ENDOU: variants seen among roughly 807,000 people sequenced by gnomAD.
ENDOU encodes the protein endonuclease, poly(U) specific.
Under a neutral mutation model 54.2 loss-of-function variants are expected in ENDOU, and 49 were observed. The observed-to-expected ratio is 0.90, with a 90% CI of 0.72 to 1.15. ENDOU has a LOEUF of 1.15. Among genes scored for constraint, ENDOU ranks in the 50% most tolerant of loss-of-function variants. The probability of loss-of-function intolerance (pLI) is 0.00; values close to 1 mark genes in which losing one functional copy is unlikely to be tolerated. For synonymous variants in ENDOU, 172 were observed against 190.5 expected (o/e 0.90, Z 0.80); for missense variants, 458 against 511.4 (o/e 0.90, Z 1.01).
intron 5 of ENDOU, 30 bp from the exon 6 acceptor site, chr12:47,716,529 G>A: frequency 2.5e-6 from 4 of 1,607,504 alleles, no homozygotes; most frequent in Non-Finnish European, 3.4e-6. Context: ...GCCCCACTGA[G>A]AGCCCCAAAC....
chr12:47,710,230 A>G lies in ENDOU; in HGVS notation c.*572T>C, dbSNP rs908564996. 6.6e-6 allele frequency: 1 copy of G among 152,392 alleles called. No individual in the cohort carries two copies. Among genetic ancestry groups the G allele is most frequent in the African/African-American group, 2.4e-5 (1 of 41,440 alleles). The allele number at this position is 152,392 out of a possible 1,614,324, so 9.4% of individuals were successfully genotyped here. On this transcript the variant is annotated 3_prime_UTR_variant, in exon 10 of 10. Coordinates refer to ENST00000422538, the MANE Select transcript of ENDOU (RefSeq NM_001172439.2). ...AGAGGATCTAACTCTGGAAAAAACCAAAGGCCCTTGCTTGATTACTGTGGC... is the reference window on the plus strand; with the variant it reads ...AGAGGATCTAACTCTGGAAAAAACCGAAGGCCCTTGCTTGATTACTGTGGC...
intron 5 of ENDOU, 32 bp downstream of exon 5, chr12:47,716,858 A>AG: frequency 6.2e-7 from 1 of 1,610,846 alleles, no homozygotes; most frequent in Non-Finnish European, 8.5e-7. Flanking sequence ...GGCAAGATTT[A>AG]GGGGGTAGAA....
intron 6 of ENDOU, among the ~76,000 whole-genome samples, chr12:47,714,084 A>ACCTAGTG (rs1309066200): frequency 6.6e-6 from 1 of 152,258 alleles, no homozygotes; most frequent in African/African-American, 2.4e-5. Context: ...CTTTCTGTCC[A>ACCTAGTG]CCTAGTGCCT....
chr12:47,713,229 C>T (rs756798639), intron 7 of ENDOU, 46 bp downstream of exon 7: 1 of 1,336,446 alleles, frequency 7.5e-7, no homozygotes, highest in African/African-American at 1.4e-5. Context: ...CAAAGCCATT[C>T]CTCTTCATCC....
intron 1 of ENDOU, among the ~76,000 whole-genome samples, 187 bp downstream of exon 1, chr12:47,725,172 A>G (rs1486299815): frequency 6.6e-6 from 1 of 152,226 alleles, no homozygotes; most frequent in Non-Finnish European, 1.5e-5. Context: ...CACATAGTCC[A>G]GTCCATTCCG....
chr12:47,715,444 T>TC (rs1940192429), intron 6 of ENDOU, among the ~76,000 whole-genome samples: 1 of 152,202 alleles, frequency 6.6e-6, no homozygotes, highest in African/African-American at 2.4e-5. Flanking sequence ...AGTCTAGACC[T>TC]CCAAGATTCT....
chr12:47,723,017 A>G (rs1412725199), intron 1 of ENDOU, among the ~76,000 whole-genome samples: 1 of 152,222 alleles, frequency 6.6e-6, no homozygotes, highest in African/African-American at 2.4e-5. Flanking sequence ...CCCAGAATCC[A>G]AAGGGAGAGA....
intron 1 of ENDOU, among the ~76,000 whole-genome samples, chr12:47,721,483 T>C (rs1406389898): frequency 1.3e-5 from 2 of 152,166 alleles, no homozygotes; most frequent in African/African-American, 2.4e-5. Context: ...ATCCCTGTTA[T>C]GTTATTTGCT....
chr12:47,720,970 G>A lies in ENDOU; in HGVS notation c.56-95C>T, dbSNP rs1444397467. 4 of 1,222,722 alleles carry A rather than the reference G, an allele frequency of 3.3e-6. No homozygotes were observed. The Admixed American group carries it at 8.6e-5, about 26-fold the overall frequency. The allele number at this position is 1,222,722 out of a possible 1,614,324, so 75.7% of individuals were successfully genotyped here. On this transcript the variant is annotated intron_variant, in intron 1 of 9. Coordinates refer to ENST00000422538, the MANE Select transcript of ENDOU (RefSeq NM_001172439.2). ...AGGGTTCACAGACCAGGGCAGGAGT[G>A]TACCTGGCAGGGAAGGGCATTACTC... is the stretch of plus-strand genomic sequence containing the variant.
intron 1 of ENDOU, among the ~76,000 whole-genome samples, chr12:47,724,750 C>T (rs1235259185): frequency 6.6e-6 from 1 of 152,278 alleles, no homozygotes; most frequent in South Asian, 2.1e-4. Flanking sequence ...CCCTGGACCT[C>T]TCATAACTGT....
intron 2 of ENDOU, 151 bp downstream of exon 2, chr12:47,720,602 A>G: frequency 1.3e-6 from 1 of 743,198 alleles, no homozygotes; most frequent in Non-Finnish European, 1.9e-6. Flanking sequence ...AGTGGTGGCC[A>G]AATTCCTGAC....
Position 47,711,754 on chromosome 12 carries a change from GCA to G in ENDOU, c.992_993del (p.Val331AlafsTer12), listed in dbSNP as rs1565730276. 1.9e-6 allele frequency: 3 copies of G among 1,614,212 alleles called. No homozygotes were observed. The highest frequency in any genetic ancestry group is 1.6e-4 in the Middle Eastern group (1 of 6,062). ...CCGTCCCAGTTGAACTGCATTGCCA[GCA>G]CATCGGGGTAAGAATCCCACTGTGG... is the stretch of plus-strand genomic sequence containing the variant. ...YDGPWDSYPD[V>X]LAMQFNWDGY... On this transcript the variant is annotated frameshift_variant, in exon 9 of 10. Transcript: ENST00000422538. LOFTEE classifies it high-confidence loss of function.
intron 6 of ENDOU, among the ~76,000 whole-genome samples, chr12:47,714,768 G>A (rs1237159660): frequency 6.6e-6 from 1 of 152,194 alleles, no homozygotes; most frequent in Non-Finnish European, 1.5e-5. Flanking sequence ...TAGCTAAGTG[G>A]AAGATGTTGA....
intron 5 of ENDOU, 33 bp from the exon 6 acceptor site, chr12:47,716,532 C>A: frequency 6.2e-7 from 1 of 1,604,162 alleles, no homozygotes; most frequent in African/African-American, 1.3e-5. Context: ...CCACTGAGAG[C>A]CCCAAACACA....
chr12:47,725,249 A>ACC, intron 1 of ENDOU, 110 bp downstream of exon 1: 1 of 1,218,558 alleles, frequency 8.2e-7, no homozygotes, highest in Non-Finnish European at 1.2e-6. Context: ...GACAGAGCTC[A>ACC]CCCTCCCTTG....
At chr12:47,717,450 C>G in intron 4 of ENDOU, 68 bp downstream of exon 4, 2 of 1,548,302 alleles carry the variant, frequency 1.3e-6, no homozygotes, top group South Asian at 1.2e-5. Flanking sequence ...GTCCAGGGAC[C>G]ACATGTTGAG....
chr12:47,713,618 A>G (rs549079998), intron 6 of ENDOU, among the ~76,000 whole-genome samples: 2 of 152,256 alleles, frequency 1.3e-5, no homozygotes, highest in East Asian at 3.9e-4. Flanking sequence ...CACGGTCTCT[A>G]TCTATATTAC....
In ENDOU at chr12:47,713,400, C is replaced by G. The variant is rs776512888; in HGVS notation, c.752-12G>C. 9.3e-6 allele frequency: 15 copies of G among 1,606,526 alleles called. No individual in the cohort carries two copies. Among genetic ancestry groups the G allele is most frequent in the Non-Finnish European group, 1.3e-5 (15 of 1,173,320 alleles). ...TGAGCCATAGCGATCTGCAGAGGAACACAAAGGGTTTTGGAGAGGGGAGGC... is the reference window on the plus strand; with the variant it reads ...TGAGCCATAGCGATCTGCAGAGGAAGACAAAGGGTTTTGGAGAGGGGAGGC... On this transcript the variant is annotated splice_polypyrimidine_tract_variant and intron_variant, in intron 6 of 9. Coordinates refer to ENST00000422538, the MANE Select transcript of ENDOU (RefSeq NM_001172439.2).
intron 7 of ENDOU, among the ~76,000 whole-genome samples, 180 bp downstream of exon 7, chr12:47,713,095 A>G (rs1186086014): frequency 6.6e-6 from 1 of 151,910 alleles, no homozygotes; most frequent in Non-Finnish European, 1.5e-5. Context: ...ACTGTTTCTC[A>G]GAATGGCTCC....
Sources: allele counts gnomAD v4.1 joint callset (sites outside exome capture counted in the v4.1 genomes callset), GRCh38; gene constraint gnomAD v4.1.1; transcripts MANE v1.5; gene names NCBI Gene and HGNC (gene_info 2026-07-23, HGNC 2026-07-21).